The following PKNOX1 variants were observed in gnomAD, a reference collection of about 807,000 sequenced individuals.
PKNOX1 encodes the protein PBX/knotted 1 homeobox 1.
PKNOX1 carries 15 observed loss-of-function variants against 51.9 expected under a neutral mutation model. The ratio of observed to expected loss-of-function variants is 0.29; its 90% CI spans 0.19 to 0.45. PKNOX1 has a LOEUF of 0.45. PKNOX1 is among the 20% of genes least tolerant of loss of function. The pLI, the probability that PKNOX1 is intolerant of heterozygous loss-of-function variation, is 1.00. For synonymous variants in PKNOX1, 219 were observed against 211.1 expected (o/e 1.04, Z -0.32); for missense variants, 462 against 547.5 (o/e 0.84, Z 1.56).
intron 1 of PKNOX1, among the ~76,000 whole-genome samples, chr21:42,975,304 G>A (rs968495): frequency 0.39 from 58,167 of 150,462 alleles, 11,355 homozygotes; most frequent in East Asian, 0.55. Flanking sequence ...GGCGGTGGGC[G>A]TGATGGGGCT....
At chr21:42,994,096 A>G (rs1287616742) in intron 1 of PKNOX1, among the ~76,000 whole-genome samples, 1 of 138,682 alleles carries the variant, frequency 7.2e-6, no homozygotes, top group Non-Finnish European at 1.5e-5. Context: ...GCTGGAGTAC[A>G]GTGGTATGAT....
chr21:43,000,416 A>G (rs577338859), intron 1 of PKNOX1, among the ~76,000 whole-genome samples: 2 of 152,344 alleles, frequency 1.3e-5, no homozygotes, highest in East Asian at 1.9e-4. Flanking sequence ...TATGTCTTAC[A>G]TGGATGGCAG....
intron 1 of PKNOX1, among the ~76,000 whole-genome samples, chr21:42,993,097 C>T (rs904085564): frequency 2.6e-5 from 4 of 152,080 alleles, no homozygotes; most frequent in African/African-American, 9.7e-5. Context: ...CCACTGCATT[C>T]TCTTGTTCTC....
chr21:43,015,817 A>G (rs1246575797), intron 5 of PKNOX1, among the ~76,000 whole-genome samples: 1 of 145,704 alleles, frequency 6.9e-6, no homozygotes, highest in African/African-American at 2.5e-5. Flanking sequence ...TTGTGTCTCT[A>G]TTTTTTTTTT....
At chr21:42,976,152 T>G (rs1284030117) in intron 1 of PKNOX1, among the ~76,000 whole-genome samples, 1 of 152,216 alleles carries the variant, frequency 6.6e-6, no homozygotes, top group Non-Finnish European at 1.5e-5. Flanking sequence ...AGTATTGCAG[T>G]AAAGCAAGTG....
intron 8 of PKNOX1, 57 bp from the exon 9 acceptor site, chr21:43,024,814 G>A (rs755996655): frequency 5.2e-6 from 6 of 1,146,134 alleles, no homozygotes; most frequent in South Asian, 2.5e-5. Context: ...TGCCTAAATC[G>A]TCTTGATTTC....
intron 8 of PKNOX1, among the ~76,000 whole-genome samples, chr21:43,024,070 C>T (rs1264425748): frequency 6.6e-6 from 1 of 152,122 alleles, no homozygotes; most frequent in African/African-American, 2.4e-5. Flanking sequence ...ATGTTTCAAT[C>T]ATACATAAAA....
At chr21:43,022,421 G>C (rs1045500965) in intron 8 of PKNOX1, among the ~76,000 whole-genome samples, 1 of 152,196 alleles carries the variant, frequency 6.6e-6, no homozygotes, top group Non-Finnish European at 1.5e-5. Context: ...GTTGAGGATA[G>C]GGTCCATGGG....
intron 2 of PKNOX1, among the ~76,000 whole-genome samples, chr21:43,004,883 C>G (rs1458552081): frequency 6.6e-6 from 1 of 152,162 alleles, no homozygotes; most frequent in Admixed American, 6.6e-5. Context: ...CCCCAGTGCT[C>G]TATCTTTGTA....
chr21:43,021,561 C>A lies in PKNOX1; in HGVS notation c.849+130C>A. The A allele has an allele frequency of 8.8e-7, 1 of 1,132,344 alleles. No individual in the cohort carries two copies. Among genetic ancestry groups the A allele is most frequent in the Non-Finnish European group, 1.2e-6 (1 of 812,500 alleles). The allele number at this position is 1,132,344 out of a possible 1,614,324, so 70.1% of individuals were successfully genotyped here. On this transcript the variant is annotated intron_variant, in intron 8 of 10. Transcript: ENST00000291547. The surrounding 1 kb of genome is among the most constrained non-coding windows in gnomAD (Gnocchi z 4.6). ...AGGCCTGACTTTCAGGACTTTGTGG[C>A]ATGTCCATAATGTGGGGAGCGTGGG...
chr21:43,009,980 C>A, intron 3 of PKNOX1, 73 bp from the exon 4 acceptor site: 1 of 877,266 alleles, frequency 1.1e-6, no homozygotes, highest in Non-Finnish European at 1.7e-6. Context: ...TGAAGTAGTG[C>A]AGGCATACAC....
chr21:42,981,632 C>T (rs908585184), intron 1 of PKNOX1, among the ~76,000 whole-genome samples: 1 of 152,018 alleles, frequency 6.6e-6, no homozygotes, highest in Non-Finnish European at 1.5e-5. Flanking sequence ...CGATCTCGGC[C>T]CACTGCAGCC....
intron 4 of PKNOX1, among the ~76,000 whole-genome samples, chr21:43,010,700 A>G (rs913277717): frequency 1.3e-5 from 2 of 151,736 alleles, no homozygotes; most frequent in Admixed American, 1.3e-4. Context: ...TCCCATCTCT[A>G]CTGAAAATAC....
At chr21:42,976,945 G>A (rs1264610923) in intron 1 of PKNOX1, among the ~76,000 whole-genome samples, 5 of 152,324 alleles carry the variant, frequency 3.3e-5, no homozygotes, top group East Asian at 1.9e-4. Flanking sequence ...AGACTTGAAA[G>A]TCAAGATTAC....
chr21:43,013,020 C>T (rs375876883), intron 4 of PKNOX1, 48 bp from the exon 5 acceptor site: 1 of 1,482,582 alleles, frequency 6.7e-7, no homozygotes, highest in Non-Finnish European at 9.2e-7. Context: ...TGATAACTTA[C>T]AATAATGCCA....
chr21:43,003,881 C>G (rs1978870608), intron 1 of PKNOX1: 1 of 154,492 alleles, frequency 6.5e-6, no homozygotes, highest in Non-Finnish European at 1.4e-5. Flanking sequence ...GGATTTGGGT[C>G]ATAACATACT....
At position 42,975,748 on chromosome 21, in the gene PKNOX1, G is replaced by T. The variant is rs559104238; in HGVS notation, c.-57+1084G>T. On this transcript the variant is annotated intron_variant, in intron 1 of 10. Coordinates refer to ENST00000291547, the MANE Select transcript of PKNOX1 (RefSeq NM_004571.5). ...AGCGCCACGGCGGGGCCGCAGCCCT[G>T]GGGGGTGTTCCACCTGTGTGTGGGG... Among the ~76,000 whole-genome samples, 30 of 152,352 alleles carry T rather than the reference G, an allele frequency of 2.0e-4. No individual in the cohort carries two copies. The East Asian group carries it at 5.6e-3, about 28-fold the overall frequency.
At chr21:43,011,360 C>T (rs1221002677) in intron 4 of PKNOX1, among the ~76,000 whole-genome samples, 2 of 152,122 alleles carry the variant, frequency 1.3e-5, no homozygotes, top group Non-Finnish European at 2.9e-5. Flanking sequence ...TGAGCCACCA[C>T]GCCCGGCGAC....
At chr21:42,975,109 C>CGGCGG (rs2058986348) in intron 1 of PKNOX1, among the ~76,000 whole-genome samples, 2 of 141,942 alleles carry the variant, frequency 1.4e-5, no homozygotes, top group South Asian at 2.2e-4. Context: ...CGGGGGCGCG[C>CGGCGG]GGCGGGGCGG....
Sources: gnomAD v4.1 joint callset for allele counts (sites outside exome capture counted in the v4.1 genomes callset) on GRCh38, gnomAD v4.1.1 for gene constraint, Gnocchi (gnomAD v3.1) non-coding constraint, MANE v1.5 for transcripts, NCBI Gene and HGNC (gene_info 2026-07-23, HGNC 2026-07-21) for gene names.